Variants in ARHGEF12 observed in about 807,000 individuals in gnomAD.
ARHGEF12 encodes the protein Rho guanine nucleotide exchange factor 12.
A neutral mutation model predicts 211.2 loss-of-function variants in ARHGEF12; 66 were observed. The ratio of observed to expected loss-of-function variants is 0.31; its 90% CI spans 0.26 to 0.38. The LOEUF (loss-of-function observed/expected upper bound fraction) is 0.38. Among genes scored for constraint, ARHGEF12 ranks in the 10% least tolerant of loss-of-function variants. ARHGEF12 has a pLI of 1.00. For missense variants in ARHGEF12, 1,429 were observed against 1,869.5 expected, an observed-to-expected ratio of 0.76 and a Z score of 4.34; for synonymous variants, 592 against 638.4, an observed-to-expected ratio of 0.93 and a Z score of 1.09.
chr11:120,345,804 G>T (rs1413244618), intron 1 of ARHGEF12, among the ~76,000 whole-genome samples: 1 of 151,746 alleles, frequency 6.6e-6, no homozygotes, highest in Non-Finnish European at 1.5e-5. Context: ...ACAATGAATG[G>T]GGGAAGGCTT....
Position 120,489,779 on chromosome 11 carries a change from G to T in ARHGEF12, c.*4702G>T, listed in dbSNP as rs575089955. The T allele has an allele frequency of 1.6e-4, 31 of 191,900 alleles. No individual in the cohort carries two copies. In the East Asian group the frequency reaches 2.6e-3, roughly 16 times the overall value. 11.9% of individuals were successfully genotyped at this position (191,900 alleles called of 1,614,324 possible). On this transcript the variant is annotated 3_prime_UTR_variant, in exon 41 of 41. Transcript: ENST00000397843. ...TTTGCGGAAATTAACCTGTTTGTAT[G>T]CCTGGCTTTGTTTACAAACATATAT...
chr11:120,477,946 C>T (rs1457199495), intron 36 of ARHGEF12, among the ~76,000 whole-genome samples: 12 of 151,686 alleles, frequency 7.9e-5, no homozygotes, highest in Admixed American at 7.9e-4. Flanking sequence ...ATGCAGGTTC[C>T]AGCATCAGAG....
chr11:120,455,485 CTAT>C, intron 22 of ARHGEF12, among the ~76,000 whole-genome samples: 1 of 152,308 alleles, frequency 6.6e-6, no homozygotes, highest in Middle Eastern at 3.4e-3. Flanking sequence ...TCCATCCAAG[CTAT>C]TCATCAAATA....
At chr11:120,481,826 C>A (rs1358526166) in intron 39 of ARHGEF12, among the ~76,000 whole-genome samples, 1 of 146,422 alleles carries the variant, frequency 6.8e-6, no homozygotes, top group Non-Finnish European at 1.5e-5. Flanking sequence ...GTGGCGTGAT[C>A]TCAGCTCACT....
chr11:120,409,314 C>T, intron 3 of ARHGEF12, 80 bp from the exon 4 acceptor site: 1 of 1,401,826 alleles, frequency 7.1e-7, no homozygotes, highest in Non-Finnish European at 1.0e-6. Context: ...ATGATTCATT[C>T]TTTTTTCCCC....
chr11:120,459,448 A>C, intron 26 of ARHGEF12, 128 bp downstream of exon 26: 1 of 998,362 alleles, frequency 1.0e-6, no homozygotes, highest in South Asian at 1.9e-5. Flanking sequence ...AAGATAAATA[A>C]AGGAATGATT....
intron 39 of ARHGEF12, among the ~76,000 whole-genome samples, chr11:120,482,277 CATT>C (rs1947268259): frequency 6.6e-6 from 1 of 152,164 alleles, no homozygotes; most frequent in African/African-American, 2.4e-5. Flanking sequence ...ATCTGTGACT[CATT>C]AGGTGACATT....
At chr11:120,406,027 T>C (rs1287673017) in intron 1 of ARHGEF12, 91 bp from the exon 2 acceptor site, 2 of 977,534 alleles carry the variant, frequency 2.0e-6, no homozygotes, top group Non-Finnish European at 3.1e-6. Context: ...GATTTAAATC[T>C]CTTATTCTGG....
chr11:120,411,682 T>G (rs1944886682), intron 4 of ARHGEF12: 1 of 140,822 alleles, frequency 7.1e-6, no homozygotes, highest in South Asian at 2.5e-4. Flanking sequence ...CTCAACCTCC[T>G]GGGCTCAAGT....
At position 120,488,935 on chromosome 11, in the gene ARHGEF12, T is replaced by G; in HGVS notation, c.*3858T>G. On this transcript the variant is annotated 3_prime_UTR_variant, in exon 41 of 41. Transcript: ENST00000397843. ...GAATTAGCTGATAAGGCTGTATGTT[T>G]CTGGAACAAAATATTGGTCATCTAA... 1 of 218,534 alleles carries G rather than the reference T, an allele frequency of 4.6e-6. No homozygotes were observed. Among genetic ancestry groups the G allele is most frequent in the Non-Finnish European group, 9.2e-6 (1 of 108,580 alleles). The allele number at this position is 218,534 out of a possible 1,614,324, so 13.5% of individuals were successfully genotyped here. A position where few individuals can be genotyped will look rare whatever the true frequency, so the allele number is the denominator to read the frequency against.
chr11:120,423,222 C>T (rs1478208620), intron 6 of ARHGEF12, among the ~76,000 whole-genome samples: 1 of 152,032 alleles, frequency 6.6e-6, no homozygotes, highest in Non-Finnish European at 1.5e-5. Context: ...ATTTGGCTGT[C>T]AGAAAATTTA....
intron 30 of ARHGEF12, among the ~76,000 whole-genome samples, chr11:120,472,406 A>G (rs1037610848): frequency 6.6e-6 from 1 of 152,188 alleles, no homozygotes; most frequent in Non-Finnish European, 1.5e-5. Flanking sequence ...GGGTGGGGCA[A>G]TAGGACAAGG....
intron 13 of ARHGEF12, among the ~76,000 whole-genome samples, chr11:120,440,655 T>C (rs947945479): frequency 2.6e-5 from 4 of 152,160 alleles, no homozygotes; most frequent in African/African-American, 9.7e-5. Flanking sequence ...GTCTATAGTT[T>C]TTATTTCCTT....
intron 28 of ARHGEF12, 51 bp from the exon 29 acceptor site, chr11:120,467,143 G>A (rs777595812): frequency 1.7e-6 from 2 of 1,197,820 alleles, no homozygotes; most frequent in Non-Finnish European, 2.5e-6. Flanking sequence ...CATGGTACAT[G>A]TATAAGTTCA....
intron 1 of ARHGEF12, among the ~76,000 whole-genome samples, chr11:120,374,094 A>C (rs749097959): frequency 1.3e-5 from 2 of 152,182 alleles, no homozygotes; most frequent in African/African-American, 4.8e-5. Flanking sequence ...GGCGTGAGCC[A>C]CCGCACCCGG....
At chr11:120,410,987 A>G (rs1944865481) in intron 4 of ARHGEF12, 1 of 152,136 alleles carries the variant, frequency 6.6e-6, no homozygotes, top group African/African-American at 2.4e-5. Context: ...TAGATCTGCG[A>G]TGTGTATTTA....
intron 1 of ARHGEF12, among the ~76,000 whole-genome samples, chr11:120,377,937 A>T (rs192013799): frequency 1.3e-5 from 2 of 151,610 alleles, no homozygotes; most frequent in African/African-American, 2.4e-5. Context: ...AAATTCTTTT[A>T]TTTATTTTTT....
Position 120,481,266 on chromosome 11 carries a change from A to C in ARHGEF12, c.4244A>C (p.Tyr1415Ser). 6.2e-7 allele frequency: 1 copy of C among 1,613,944 alleles called. No individual in the cohort carries two copies. ...ATTCTGTCTCTATCCATAGGAAACT[A>C]TTTGATCCTTGATGGCTATGACCCA... Reference protein sequence around the residue: ...KDVNLRISGNYLILDGYDPVQ... With the variant: ...KDVNLRISGNSLILDGYDPVQ... The change falls in exon 39 of 41, where the codon TAT becomes TCT. Residue 1415 changes from tyrosine (Y) to serine (S), a missense_variant. By Grantham distance (144) the Tyr-to-Ser change is moderately radical. Transcript: ENST00000397843.
At chr11:120,448,526 AT>A (rs969317621) in intron 20 of ARHGEF12, 178 bp downstream of exon 20, 2 of 592,466 alleles carry the variant, frequency 3.4e-6, no homozygotes, top group Non-Finnish European at 5.9e-6. Context: ...AAATCCAGAC[AT>A]ATAAACTATT....
Sources: gnomAD v4.1 joint callset for allele counts (sites outside exome capture counted in the v4.1 genomes callset) on GRCh38, gnomAD v4.1.1 for gene constraint, MANE v1.5 for transcripts, NCBI Gene and HGNC (gene_info 2026-07-23, HGNC 2026-07-21) for gene names.